The following CELF2 variants were observed in gnomAD, a reference collection of about 807,000 sequenced individuals.
CELF2 encodes the protein CUG triplet repeat RNA-binding protein 2.
In CELF2, 8 loss-of-function variants were observed where a neutral mutation model predicts 62.6. The ratio of observed to expected loss-of-function variants is 0.13; its 90% CI spans 0.07 to 0.23. CELF2 has a LOEUF of 0.23. Among genes scored for constraint, CELF2 ranks in the 10% least tolerant of loss-of-function variants. The probability of loss-of-function intolerance (pLI) is 1.00; values close to 1 mark genes in which losing one functional copy is unlikely to be tolerated. For missense variants in CELF2, 333 were observed against 671.0 expected (o/e 0.50, Z 5.56); for synonymous variants, 258 against 250.0 (o/e 1.03, Z -0.30).
At position 11,220,519 on chromosome 10, in the gene CELF2, C is replaced by G. The variant is rs369488655; in HGVS notation, c.354+3012C>G. ...AACCCTTTACATGGGGCTGGAGAAA[C>G]GACTCCCAGATTGAGGTGACAGATC... is the stretch of plus-strand genomic sequence containing the variant. On this transcript the variant is annotated intron_variant, in intron 3 of 12. Coordinates refer to ENST00000633077, the MANE Select transcript of CELF2 (RefSeq NM_001326342.2). The surrounding 1 kb of genome is among the most constrained non-coding windows in gnomAD (Gnocchi z 4.4). Among the ~76,000 whole-genome samples, 21 of 152,182 alleles carry G rather than the reference C, an allele frequency of 1.4e-4. No homozygotes were observed. The highest frequency in any genetic ancestry group is 4.8e-4 in the African/African-American group (20 of 41,440).
chr10:10,764,969 G>A, the CELF2 span, among the ~76,000 whole-genome samples: 22 of 152,136 alleles, frequency 1.4e-4, no homozygotes, highest in Non-Finnish European at 1.3e-4. Flanking sequence ...ATTAGGGAGC[G>A]CACTCCCAGG....
chr10:11,199,933 A>G (rs758463060), intron 2 of CELF2, among the ~76,000 whole-genome samples: 15 of 152,288 alleles, frequency 9.8e-5, no homozygotes, highest in Middle Eastern at 6.8e-3. Flanking sequence ...CAGAGCAGTT[A>G]ACACCCAGAT....
chr10:10,566,006 A>G, the CELF2 span, among the ~76,000 whole-genome samples: 1 of 152,178 alleles, frequency 6.6e-6, no homozygotes, highest in African/African-American at 2.4e-5. Flanking sequence ...TTGAGAAGCT[A>G]TATAAAACAG....
Position 11,269,142 on chromosome 10 carries a change from A to C in CELF2, c.619-1524A>C, listed in dbSNP as rs562086909. 1.3e-5 allele frequency among the ~76,000 whole-genome samples: 2 copies of C among 152,232 alleles called. No homozygotes were observed. The highest frequency in any genetic ancestry group is 6.5e-5 in the Admixed American group (1 of 15,284). ...CCCCTCTCTACATAATCTTCAAAGT[A>C]TGTTGCTCTCTTTTAAGTGAAGTAC... On this transcript the variant is annotated intron_variant, in intron 6 of 12. Transcript: ENST00000633077. This position sits in a 1 kb window ranked among gnomAD's most constrained non-coding sequence, Gnocchi z 4.4.
At chr10:10,595,065 G>C in the CELF2 span, among the ~76,000 whole-genome samples, 7 of 152,208 alleles carry the variant, frequency 4.6e-5, no homozygotes, top group African/African-American at 1.4e-4. Context: ...CGTTAGCCCA[G>C]ATAGAATAGT....
chr10:10,841,307 A>T (rs1345449207), intron 1 of CELF2, among the ~76,000 whole-genome samples: 3 of 150,060 alleles, frequency 2.0e-5, no homozygotes, highest in Non-Finnish European at 4.4e-5. Context: ...CAAATTGTCA[A>T]TTTTTTTCTT....
At chr10:11,149,026 T>C (rs1323157252) in intron 1 of CELF2, among the ~76,000 whole-genome samples, 1 of 152,218 alleles carries the variant, frequency 6.6e-6, no homozygotes, top group Non-Finnish European at 1.5e-5. Flanking sequence ...AACCTCCTTC[T>C]GAATGCTGCC....
chr10:10,599,047 C>T, the CELF2 span, among the ~76,000 whole-genome samples: 3 of 151,930 alleles, frequency 2.0e-5, no homozygotes, highest in African/African-American at 7.3e-5. Flanking sequence ...CCATCATGCC[C>T]GGCCAGGGCT....
intron 1 of CELF2, among the ~76,000 whole-genome samples, chr10:10,825,259 G>T (rs947420760): frequency 2.0e-5 from 3 of 152,288 alleles, no homozygotes; most frequent in Non-Finnish European, 4.4e-5. Context: ...ACCCAGGCTG[G>T]AGTGCAGTGG....
chr10:11,140,657 G>T (rs998962090), intron 1 of CELF2, among the ~76,000 whole-genome samples: 30 of 152,138 alleles, frequency 2.0e-4, no homozygotes, highest in African/African-American at 5.6e-4. Context: ...CGCTATTTAA[G>T]ATTTAATACT....
chr10:10,803,419 G>T (rs1359156357), intron 1 of CELF2, among the ~76,000 whole-genome samples: 3 of 152,186 alleles, frequency 2.0e-5, no homozygotes, highest in African/African-American at 7.2e-5. Flanking sequence ...TATGCAGCCA[G>T]GCTATTTTGG....
At chr10:11,188,893 A>C (rs1365876104) in intron 2 of CELF2, among the ~76,000 whole-genome samples, 1 of 152,128 alleles carries the variant, frequency 6.6e-6, no homozygotes, top group Non-Finnish European at 1.5e-5. Context: ...TTCAGTGTTT[A>C]ATCTGCCGTT....
chr10:10,688,137 A>T, the CELF2 span, among the ~76,000 whole-genome samples: 2 of 152,236 alleles, frequency 1.3e-5, no homozygotes, highest in African/African-American at 4.8e-5. Flanking sequence ...TCTTGGATTT[A>T]GGATTTTACC....
rs1196970803 is a variant in CELF2, at chr10:11,243,627, C to T, written c.355-5526C>T. On this transcript the variant is annotated intron_variant, in intron 3 of 12. Transcript: ENST00000633077. The surrounding 1 kb of genome is among the most constrained non-coding windows in gnomAD (Gnocchi z 4.1). Reference sequence around the variant, plus strand: ...AGCTGAGATGAACATAAGTAATAGACTCATTAATTGTTTCATCGTGACTCA... The same window carrying T: ...AGCTGAGATGAACATAAGTAATAGATTCATTAATTGTTTCATCGTGACTCA... 6.6e-6 allele frequency among the ~76,000 whole-genome samples: 1 copy of T among 152,154 alleles called. No homozygotes were observed. The highest frequency in any genetic ancestry group is 1.5e-5 in the Non-Finnish European group (1 of 68,038).
the CELF2 span, among the ~76,000 whole-genome samples, chr10:10,730,768 G>A: frequency 6.6e-6 from 1 of 152,172 alleles, no homozygotes. Context: ...AGTTGTGAAG[G>A]GAAGCACCCA....
chr10:11,121,603 C>A (rs559300518), intron 1 of CELF2, among the ~76,000 whole-genome samples: 2 of 152,042 alleles, frequency 1.3e-5, no homozygotes, highest in Non-Finnish European at 2.9e-5. Context: ...GGTCAAATAG[C>A]GACGCAGACG....
At chr10:10,619,143 CCTATGCAAGCTTCAAG>C in the CELF2 span, among the ~76,000 whole-genome samples, 1 of 152,200 alleles carries the variant, frequency 6.6e-6, no homozygotes, top group Non-Finnish European at 1.5e-5. Flanking sequence ...CTAGCATTTA[CCTATGCAAGCTTCAAG>C]CTTGCTTATT....
At chr10:11,060,595 T>G (rs11256963) in intron 1 of CELF2, among the ~76,000 whole-genome samples, 13,659 of 152,244 alleles carry the variant, frequency 0.09, 656 homozygotes, top group Middle Eastern at 0.11. Context: ...GCACCTTGTT[T>G]AATTGCACTT....
chr10:11,306,468 A>G lies in CELF2; in HGVS notation c.977-7671A>G, dbSNP rs1396486146. 1.3e-5 allele frequency among the ~76,000 whole-genome samples: 2 copies of G among 151,974 alleles called. No homozygotes were observed. Among genetic ancestry groups the G allele is most frequent in the East Asian group, 1.9e-4 (1 of 5,158 alleles). ...GTCTCTGTCTAAGACCTCTTTCTCA[A>G]TTGTGCATCTGCTGAACGGTCAGTC... On this transcript the variant is annotated intron_variant, in intron 9 of 12. Transcript: ENST00000633077. The surrounding 1 kb of genome is among the most constrained non-coding windows in gnomAD (Gnocchi z 4.4).
Sources: gnomAD v4.1 joint callset for allele counts (sites outside exome capture counted in the v4.1 genomes callset) on GRCh38, gnomAD v4.1.1 for gene constraint, Gnocchi (gnomAD v3.1) non-coding constraint, MANE v1.5 for transcripts, NCBI Gene and HGNC (gene_info 2026-07-23, HGNC 2026-07-21) for gene names.